Variants in FAT3 observed in about 807,000 individuals in gnomAD.
FAT3 encodes protocadherin Fat 3.
FAT3 carries 95 observed loss-of-function variants against 310.2 expected under a neutral mutation model. The observed-to-expected ratio is 0.31, with a 90% confidence interval of 0.26 to 0.36. FAT3 has a LOEUF of 0.36. Among genes scored for constraint, FAT3 ranks in the 10% least tolerant of loss-of-function variants. The pLI, the probability that FAT3 is intolerant of heterozygous loss-of-function variation, is 1.00. For synonymous variants in FAT3, 2,314 were observed against 2,192.9 expected (o/e 1.06, Z -1.54); for missense variants, 5,408 against 5,715.6 (o/e 0.95, Z 1.74).
chr11:92,853,145 G>A (rs1948876618), intron 19 of FAT3, among the ~76,000 whole-genome samples: 3 of 152,212 alleles, frequency 2.0e-5, no homozygotes, highest in South Asian at 2.1e-4. Flanking sequence ...GGGGTGTGTG[G>A]GCCACTGCGC....
chr11:92,633,308 T>G (rs1174686795), intron 3 of FAT3, among the ~76,000 whole-genome samples: 2 of 150,558 alleles, frequency 1.3e-5, no homozygotes, highest in Non-Finnish European at 3.0e-5. Context: ...GGCTCAGTCT[T>G]TTTTTTTTAT....
At chr11:92,611,417 G>A (rs764794438) in intron 3 of FAT3, among the ~76,000 whole-genome samples, 6 of 152,158 alleles carry the variant, frequency 3.9e-5, no homozygotes, top group Non-Finnish European at 8.8e-5. Context: ...ACTATGCCCA[G>A]CATTTTTTGA....
intron 7 of FAT3, among the ~76,000 whole-genome samples, chr11:92,781,805 A>G (rs1486886085): frequency 1.5e-5 from 2 of 137,500 alleles, no homozygotes; most frequent in African/African-American, 5.3e-5. Context: ...GGAATCTGTG[A>G]TATGCTAGAC....
intron 15 of FAT3, among the ~76,000 whole-genome samples, chr11:92,835,753 G>A (rs1948390117): frequency 6.6e-6 from 1 of 152,156 alleles, no homozygotes; most frequent in South Asian, 2.1e-4. Flanking sequence ...GACACACAGA[G>A]TTGGGCAGCT....
chr11:92,385,461 G>A (rs866597661), intron 2 of FAT3, among the ~76,000 whole-genome samples: 1 of 152,078 alleles, frequency 6.6e-6, no homozygotes, highest in African/African-American at 2.4e-5. Flanking sequence ...TCTGCCTCCT[G>A]GGTTCTAGCG....
chr11:92,339,470 G>A (rs1948182840), intron 1 of FAT3, among the ~76,000 whole-genome samples: 1 of 152,214 alleles, frequency 6.6e-6, no homozygotes, highest in Non-Finnish European at 1.5e-5. Flanking sequence ...TGTCCAAAGA[G>A]AAAGTGCCTT....
intron 3 of FAT3, among the ~76,000 whole-genome samples, chr11:92,558,952 A>G (rs1357041369): frequency 6.6e-6 from 1 of 152,192 alleles, no homozygotes; most frequent in Non-Finnish European, 1.5e-5. Flanking sequence ...ATTTAAAGAA[A>G]TCCTTTGGAA....
At chr11:92,645,039 G>GTT (rs71305392) in intron 3 of FAT3, among the ~76,000 whole-genome samples, 5 of 152,010 alleles carry the variant, frequency 3.3e-5, no homozygotes, top group South Asian at 2.1e-4. Context: ...TCCAAAAAGT[G>GTT]TTTTTTTGAT....
intron 3 of FAT3, among the ~76,000 whole-genome samples, chr11:92,582,241 G>C (rs1201907577): frequency 1.3e-5 from 2 of 151,856 alleles, no homozygotes; most frequent in African/African-American, 4.8e-5. Flanking sequence ...TTTATGACCT[G>C]TATGTTGTGC....
rs908566826 is a variant in FAT3, at chr11:92,801,815, G to T, written c.8802G>T (p.Lys2934Asn). Residue 2934 changes from lysine to asparagine, a missense_variant, in exon 10 of 28, where the codon AAG becomes AAT. Physicochemically the swap from Lys to Asn is moderately conservative, Grantham distance 94. Coordinates refer to ENST00000525166, the MANE Select transcript of FAT3 (RefSeq NM_001367949.2). The part of the protein sequence containing the change: ...FAQEVYRGNV[K>N]ESDPPGEVVA... ...AGGAAGTGTACCGAGGGAATGTGAA[G>T]GAGAGCGACCCACCGGGCGAGGTGG... 7 of 1,613,820 alleles carry T rather than the reference G, an allele frequency of 4.3e-6. No homozygotes were observed. Among genetic ancestry groups the T allele is most frequent in the African/African-American group, 1.3e-5 (1 of 74,908 alleles).
chr11:92,431,338 G>A lies in FAT3; in HGVS notation c.3292+75934G>A, dbSNP rs868170155. Reference sequence around the variant, plus strand: ...TGAGAAGTGTCTGTTCATATCCTTCGCCCACTTTTTGATGGGGTTGTTTGT... The same window carrying A: ...TGAGAAGTGTCTGTTCATATCCTTCACCCACTTTTTGATGGGGTTGTTTGT... On this transcript the variant is annotated intron_variant, in intron 2 of 27. Transcript: ENST00000525166. 1.6e-4 allele frequency among the ~76,000 whole-genome samples: 25 copies of A among 151,962 alleles called. No homozygotes were observed. In the Middle Eastern group the frequency reaches 0.01, roughly 62 times the overall value.
intron 2 of FAT3, among the ~76,000 whole-genome samples, chr11:92,474,031 C>T (rs1235885106): frequency 6.6e-6 from 1 of 152,142 alleles, no homozygotes; most frequent in Non-Finnish European, 1.5e-5. Context: ...AATGTCAAAT[C>T]CAACTGGAGA....
At chr11:92,856,756 C>T (rs1253480096) in intron 19 of FAT3, among the ~76,000 whole-genome samples, 1 of 151,104 alleles carries the variant, frequency 6.6e-6, no homozygotes, top group African/African-American at 2.4e-5. Context: ...TTTTTTTCCC[C>T]TCTGAAATCA....
At chr11:92,629,603 T>G (rs1276133991) in intron 3 of FAT3, among the ~76,000 whole-genome samples, 1 of 151,814 alleles carries the variant, frequency 6.6e-6, no homozygotes, top group African/African-American at 2.4e-5. Flanking sequence ...TAGAGATTGA[T>G]TCTCACTATG....
At chr11:92,330,965 GGTGTGTGTGTGT>G (rs375080524) in intron 1 of FAT3, among the ~76,000 whole-genome samples, 2 of 135,936 alleles carry the variant, frequency 1.5e-5, no homozygotes. Context: ...AGGAGTAAAG[GGTGTGTGTGTGT>G]GTGTGTGTGT....
chr11:92,796,404 A>T (rs1198495498), intron 9 of FAT3, among the ~76,000 whole-genome samples: 1 of 152,164 alleles, frequency 6.6e-6, no homozygotes, highest in Non-Finnish European at 1.5e-5. Flanking sequence ...TAAAATAAGC[A>T]AGTATCTTCT....
rs778377862 is a variant in FAT3, at chr11:92,834,899, T to C, written c.9901T>C (p.Tyr3301His). 1.2e-6 allele frequency: 2 copies of C among 1,612,312 alleles called. No homozygotes were observed. The highest frequency in any genetic ancestry group is 1.7e-6 in the Non-Finnish European group (2 of 1,179,208). The change falls in exon 15 of 28, where the codon TAT becomes CAT. Residue 3301 changes from tyrosine (Y) to histidine (H), a missense_variant. This residue lies in a region of FAT3 where 4,588 missense variants were observed against 4,809.8 expected (regional missense o/e 0.95). Coordinates refer to ENST00000525166, the MANE Select transcript of FAT3 (RefSeq NM_001367949.2). Reference protein sequence around the residue: ...GGISVSEVLDYELCKRFYLVV... With the variant: ...GGISVSEVLDHELCKRFYLVV... The stretch of plus-strand genomic sequence containing the variant: ...TATTTCTGTCTCTGAAGTCCTGGAC[T>C]ATGAATTATGCAAAAGGTTTTACCT...
intron 1 of FAT3, among the ~76,000 whole-genome samples, chr11:92,289,500 TAC>T (rs10562084): frequency 0.3 from 43,230 of 143,850 alleles, 6,497 homozygotes; most frequent in Admixed American, 0.38. Context: ...CCATGATAGA[TAC>T]ACACACACAC....
chr11:92,369,304 AG>A, intron 2 of FAT3, among the ~76,000 whole-genome samples: 1 of 152,314 alleles, frequency 6.6e-6, no homozygotes, highest in South Asian at 2.1e-4. Flanking sequence ...TTTTTCTGAA[AG>A]AAGTCTTTAA....
Sources: allele counts gnomAD v4.1 joint callset (sites outside exome capture counted in the v4.1 genomes callset), GRCh38; gene constraint gnomAD v4.1.1; regional missense constraint gnomAD v4.1.1; transcripts MANE v1.5; gene names NCBI Gene and HGNC (gene_info 2026-07-23, HGNC 2026-07-21).